The following ZBTB34 variants were observed in gnomAD, a reference collection of about 807,000 sequenced individuals.
The protein encoded by ZBTB34 is zinc finger and BTB domain-containing protein 34.
ZBTB34 carries 1 observed loss-of-function variant against 33.4 expected under a neutral mutation model. The observed-to-expected ratio is 0.03, with a 90% CI of 0.01 to 0.14. The LOEUF (loss-of-function observed/expected upper bound fraction) is 0.14, where lower values mean the gene tolerates loss of function less well. Ranked by LOEUF, ZBTB34 falls within the 10% of genes least tolerant of loss-of-function variation. The pLI, the probability that ZBTB34 is intolerant of heterozygous loss-of-function variation, is 1.00. For missense variants in ZBTB34, 406 were observed against 657.2 expected, an observed-to-expected ratio of 0.62 and a Z score of 4.18; for synonymous variants, 283 against 253.5, an observed-to-expected ratio of 1.12 and a Z score of -1.11.
At chr9:126,869,287 A>G (rs1272226189) in intron 1 of ZBTB34, among the ~76,000 whole-genome samples, 1 of 145,026 alleles carries the variant, frequency 6.9e-6, no homozygotes, top group Non-Finnish European at 1.5e-5. Flanking sequence ...GGGTTGTTGT[A>G]TAGGGACCTA....
chr9:126,879,711 C>G lies in ZBTB34; in HGVS notation c.312C>G (p.Val104=). The G allele has an allele frequency of 3.7e-6, 6 of 1,613,538 alleles. No homozygotes were observed. The highest frequency in any genetic ancestry group is 5.1e-6 in the Non-Finnish European group (6 of 1,179,896). Residue 104 remains valine (V), a synonymous_variant, in exon 2 of 2, where the codon GTC becomes GTG. Transcript: ENST00000319119. This position sits in a 1 kb window ranked among gnomAD's most constrained non-coding sequence, Gnocchi z 6.4. ...TGTCCTTGCAGCTGAAGGATGTTGT[C>G]AGTTTTCTGACTGCAGCCAGCTTTC...
exon 2 of ZBTB34, chr9:126,885,433 T>TA (rs1027334650): frequency 3.6e-5 from 6 of 167,112 alleles, no homozygotes; most frequent in Non-Finnish European, 8.8e-5. Context: ...GAGGTAAACT[T>TA]ACCTGGTTTG....
chr9:126,868,669 C>T (rs1190173406), intron 1 of ZBTB34, among the ~76,000 whole-genome samples: 1 of 152,190 alleles, frequency 6.6e-6, no homozygotes, highest in Non-Finnish European at 1.5e-5. Context: ...TCCTGGAGGG[C>T]CCCTCACAGT....
At position 126,879,183 on chromosome 9, in the gene ZBTB34, A is replaced by T. The variant is rs977276471; in HGVS notation, c.-10-207A>T. Among the ~76,000 whole-genome samples the T allele has an allele frequency of 6.6e-6, 1 of 152,234 alleles. No individual in the cohort carries two copies. Among genetic ancestry groups the T allele is most frequent in the Non-Finnish European group, 1.5e-5 (1 of 68,040 alleles). ...TGATCAAGATGAATATTAGGCAATTATGACATTAGGCTAATTGATCATTAG... is the reference window on the plus strand; with the variant it reads ...TGATCAAGATGAATATTAGGCAATTTTGACATTAGGCTAATTGATCATTAG... On this transcript the variant is annotated intron_variant, in intron 1 of 1. Coordinates refer to ENST00000319119, the Ensembl canonical transcript of ZBTB34. This position sits in a 1 kb window ranked among gnomAD's most constrained non-coding sequence, Gnocchi z 6.4.
At chr9:126,871,167 G>C (rs920967911) in intron 1 of ZBTB34, among the ~76,000 whole-genome samples, 2 of 146,090 alleles carry the variant, frequency 1.4e-5, no homozygotes, top group Non-Finnish European at 3.0e-5. Flanking sequence ...AGAAAGCCAA[G>C]ATGTAAGTGA....
chr9:126,884,622 C>T (rs966862243), exon 2 of ZBTB34: 2 of 167,022 alleles, frequency 1.2e-5, no homozygotes, highest in African/African-American at 4.8e-5. Flanking sequence ...ATAACCAACT[C>T]TTTGTTTTTC....
At chr9:126,874,267 G>A (rs1261589648) in intron 1 of ZBTB34, among the ~76,000 whole-genome samples, 1 of 148,746 alleles carries the variant, frequency 6.7e-6, no homozygotes, top group African/African-American at 2.5e-5. Flanking sequence ...CGCCAGGATG[G>A]TCTCAATCTC....
chr9:126,873,074 A>G (rs1471139585), intron 1 of ZBTB34, among the ~76,000 whole-genome samples: 1 of 152,188 alleles, frequency 6.6e-6, no homozygotes, highest in Non-Finnish European at 1.5e-5. Context: ...TTTGCCCTGC[A>G]GTCCACACCT....
intron 1 of ZBTB34, among the ~76,000 whole-genome samples, chr9:126,872,067 C>T (rs1026663488): frequency 6.6e-6 from 1 of 152,088 alleles, no homozygotes; most frequent in Non-Finnish European, 1.5e-5. Flanking sequence ...GATACTCAGC[C>T]TCCCGAGTAG....
At chr9:126,881,553 G>A (rs1021777919) in exon 2 of ZBTB34, 40 of 166,926 alleles carry the variant, frequency 2.4e-4, no homozygotes, top group African/African-American at 9.7e-4. Flanking sequence ...ACAAAAGAAT[G>A]TTAGTAGGTT....
At chr9:126,882,137 T>C (rs2033450859) in exon 2 of ZBTB34, 2 of 167,064 alleles carry the variant, frequency 1.2e-5, no homozygotes, top group African/African-American at 4.8e-5. Flanking sequence ...AATGAGAGCC[T>C]CAGTGGCTCC....
At chr9:126,875,126 A>T (rs916311170) in intron 1 of ZBTB34, among the ~76,000 whole-genome samples, 17 of 152,224 alleles carry the variant, frequency 1.1e-4, no homozygotes, top group African/African-American at 4.1e-4. Flanking sequence ...GGTTAGTCCA[A>T]ACCGAGCCAT....
chr9:126,866,271 C>T (rs1386593886), intron 1 of ZBTB34, among the ~76,000 whole-genome samples: 1 of 152,182 alleles, frequency 6.6e-6, no homozygotes, highest in East Asian at 1.9e-4. Flanking sequence ...AACCTGAGCC[C>T]AGCTTGTCCT....
At chr9:126,875,300 G>A (rs942410105) in intron 1 of ZBTB34, among the ~76,000 whole-genome samples, 2 of 152,078 alleles carry the variant, frequency 1.3e-5, no homozygotes, top group Non-Finnish European at 2.9e-5. Context: ...CTACTAGAAA[G>A]CATTAAATTA....
intron 1 of ZBTB34, among the ~76,000 whole-genome samples, chr9:126,869,485 G>T (rs900872370): frequency 6.6e-6 from 1 of 152,132 alleles, no homozygotes; most frequent in Non-Finnish European, 1.5e-5. Flanking sequence ...AGCTGGTCAC[G>T]GATGATGACG....
intron 1 of ZBTB34, among the ~76,000 whole-genome samples, chr9:126,876,317 C>G (rs1366202558): frequency 7.2e-6 from 1 of 139,022 alleles, no homozygotes; most frequent in Non-Finnish European, 1.5e-5. Context: ...AGTAGATACA[C>G]TTTATTGTAT....
intron 1 of ZBTB34, among the ~76,000 whole-genome samples, chr9:126,865,339 T>G (rs1564219765): frequency 6.6e-6 from 1 of 152,254 alleles, no homozygotes; most frequent in African/African-American, 2.4e-5. Flanking sequence ...GACACACTGC[T>G]GGGCTCTGGG....
intron 1 of ZBTB34, among the ~76,000 whole-genome samples, chr9:126,877,977 C>T (rs905760712): frequency 2.0e-5 from 3 of 151,778 alleles, no homozygotes; most frequent in Non-Finnish European, 2.9e-5. Context: ...GCACTCCGGA[C>T]GACAGAGCGA....
At chr9:126,876,908 C>A (rs1453770439) in intron 1 of ZBTB34, among the ~76,000 whole-genome samples, 1 of 152,128 alleles carries the variant, frequency 6.6e-6, no homozygotes, top group African/African-American at 2.4e-5. Context: ...AAAAAAAATT[C>A]GGACATGATC....
Sources: allele counts gnomAD v4.1 joint callset (sites outside exome capture counted in the v4.1 genomes callset), GRCh38; gene constraint gnomAD v4.1.1; non-coding constraint Gnocchi (gnomAD v3.1); transcripts MANE v1.5; gene names NCBI Gene and HGNC (gene_info 2026-07-23, HGNC 2026-07-21).